Variants in RALA observed in about 807,000 individuals in gnomAD.
RALA encodes RAS like proto-oncogene A.
A neutral mutation model predicts 24.0 loss-of-function variants in RALA; 5 were observed. That is an observed-to-expected ratio of 0.21 (90% CI 0.11 to 0.44). The LOEUF is 0.44. RALA is among the 20% of genes least tolerant of loss of function. The pLI, the probability that RALA is intolerant of heterozygous loss-of-function variation, is 0.99. For synonymous variants in RALA, 77 were observed against 83.8 expected, an observed-to-expected ratio of 0.92 and a Z score of 0.44; for missense variants, 95 against 241.2, an observed-to-expected ratio of 0.39 and a Z score of 4.01.
Position 39,649,633 on chromosome 7 carries a change from A to G in RALA, c.-38+25808A>G, listed in dbSNP as rs547249372. Among the ~76,000 whole-genome samples the G allele has an allele frequency of 2.4e-3, 368 of 152,322 alleles. 2 individuals carry two copies. Among genetic ancestry groups the G allele is most frequent in the African/African-American group, 8.6e-3 (358 of 41,574 alleles). The stretch of plus-strand genomic sequence containing the variant: ...CTCACCAGACACCGAACCTGCTTCA[A>G]TTTGGACTTCTAGGCCACAGAACTA... On this transcript the variant is annotated intron_variant, in intron 1 of 4. Coordinates refer to ENST00000005257, the MANE Select transcript of RALA (RefSeq NM_005402.4).
At chr7:39,655,073 A>G (rs999521548) in intron 1 of RALA, among the ~76,000 whole-genome samples, 2 of 152,136 alleles carry the variant, frequency 1.3e-5, no homozygotes, top group African/African-American at 4.8e-5. Context: ...TTGCAATTGT[A>G]TTTTTGCATC....
intron 1 of RALA, among the ~76,000 whole-genome samples, chr7:39,655,283 G>A (rs942419442): frequency 6.6e-6 from 1 of 152,086 alleles, no homozygotes; most frequent in Non-Finnish European, 1.5e-5. Flanking sequence ...CAAGCAACAG[G>A]GATAAATGTC....
rs562705559 is a variant in RALA, at chr7:39,633,665, TG to T, written c.-38+9846del. 2.0e-4 allele frequency among the ~76,000 whole-genome samples: 31 copies of T among 152,304 alleles called. No homozygotes were observed. In the East Asian group the frequency reaches 4.8e-3, roughly 24 times the overall value. On this transcript the variant is annotated intron_variant, in intron 1 of 4. Transcript: ENST00000005257. The stretch of plus-strand genomic sequence containing the variant: ...TTTGTAATTAGATGAGTTTATCCAC[TG>T]GGGGGTAATCCTAGAGTACATATCT...
chr7:39,693,414 A>G (rs1168664430), intron 3 of RALA, among the ~76,000 whole-genome samples: 3 of 151,812 alleles, frequency 2.0e-5, no homozygotes, highest in Admixed American at 1.3e-4. Flanking sequence ...ACTGGGGCCT[A>G]TCGTGGGGTG....
intron 2 of RALA, among the ~76,000 whole-genome samples, chr7:39,687,601 G>T (rs931094979): frequency 6.6e-6 from 1 of 152,162 alleles, no homozygotes; most frequent in African/African-American, 2.4e-5. Flanking sequence ...CTGAGTTAAG[G>T]TGTAGCCTAT....
In RALA at chr7:39,706,251, G is replaced by A. The variant is rs1793118460; in HGVS notation, c.*6G>A. 6.2e-7 allele frequency: 1 copy of A among 1,602,616 alleles called. No homozygotes were observed. Among genetic ancestry groups the A allele is most frequent in the South Asian group, 1.1e-5 (1 of 88,290 alleles). On this transcript the variant is annotated 3_prime_UTR_variant, in exon 5 of 5. Coordinates refer to ENST00000005257, the MANE Select transcript of RALA (RefSeq NM_005402.4). ...AAAGATGCTGCATTTTATAATCAAA[G>A]CCCAAACTCCTTTCTTATCTTGACC...
intron 1 of RALA, among the ~76,000 whole-genome samples, chr7:39,683,872 C>CAA (rs1491061548): frequency 6.8e-6 from 1 of 147,090 alleles, no homozygotes; most frequent in African/African-American, 2.5e-5. Flanking sequence ...CACACACACA[C>CAA]AACTCTTAGA....
intron 1 of RALA, among the ~76,000 whole-genome samples, chr7:39,632,299 C>G (rs1196278178): frequency 6.6e-6 from 1 of 152,038 alleles, no homozygotes; most frequent in Non-Finnish European, 1.5e-5. Context: ...TCCTTCTTTT[C>G]CAGTGTTTAT....
chr7:39,671,711 ACCATCTTTAAG>A (rs144439884), intron 1 of RALA, among the ~76,000 whole-genome samples: 1,582 of 152,298 alleles, frequency 0.01, 25 homozygotes, highest in African/African-American at 0.036. Flanking sequence ...AAAACGTTAA[ACCATCTTTAAG>A]CCATCAACTA....
At chr7:39,690,692 T>G in intron 3 of RALA, 102 bp downstream of exon 3, 1 of 888,312 alleles carries the variant, frequency 1.1e-6, no homozygotes, top group Non-Finnish European at 1.7e-6. Flanking sequence ...AGTCTTTTAC[T>G]CTGTCTCTAA....
rs374570591 is a variant in RALA, at chr7:39,628,553, TTTTTTTG to T, written c.-38+4743_-38+4749del. ...TCAAAAGAAACACCTAACAGTTTAA[TTTTTTTG>T]TTTTTTGTTTTTTGAGACGGAGTCT... On this transcript the variant is annotated intron_variant, in intron 1 of 4. Transcript: ENST00000005257. Among the ~76,000 whole-genome samples, 1,274 of 152,282 alleles carry T rather than the reference TTTTTTTG, an allele frequency of 8.4e-3. 13 individuals are homozygous for T. Among genetic ancestry groups the T allele is most frequent in the Middle Eastern group, 0.048 (14 of 294 alleles).
At chr7:39,698,918 A>G (rs1381697170) in intron 4 of RALA, among the ~76,000 whole-genome samples, 1 of 152,144 alleles carries the variant, frequency 6.6e-6, no homozygotes, top group African/African-American at 2.4e-5. Flanking sequence ...TCTCACTTAT[A>G]AAAAGGGAAG....
intron 1 of RALA, among the ~76,000 whole-genome samples, chr7:39,665,540 GACTGTATAACAC>G (rs1316324169): frequency 6.6e-6 from 1 of 151,996 alleles, no homozygotes; most frequent in Non-Finnish European, 1.5e-5. Flanking sequence ...TCCAAGAGTC[GACTGTATAACAC>G]ACTATACAGT....
intron 1 of RALA, among the ~76,000 whole-genome samples, chr7:39,636,954 C>T (rs965171857): frequency 4.6e-5 from 7 of 152,158 alleles, no homozygotes; most frequent in African/African-American, 1.7e-4. Context: ...TCACCTCCTA[C>T]CAGGTCCATC....
intron 1 of RALA, among the ~76,000 whole-genome samples, chr7:39,628,849 C>G (rs1227688530): frequency 6.6e-6 from 1 of 152,194 alleles, no homozygotes. Context: ...GCAACCATGC[C>G]TGGCCAGTTT....
chr7:39,676,645 G>A (rs762773801), intron 1 of RALA, among the ~76,000 whole-genome samples: 5 of 152,042 alleles, frequency 3.3e-5, no homozygotes, highest in Non-Finnish European at 5.9e-5. Flanking sequence ...CTTCTCTATC[G>A]AAAATCTAAA....
chr7:39,688,841 A>G (rs1324115810), intron 2 of RALA, among the ~76,000 whole-genome samples: 1 of 152,168 alleles, frequency 6.6e-6, no homozygotes, highest in Non-Finnish European at 1.5e-5. Flanking sequence ...AAGAGATTTA[A>G]TTGACTCACA....
At chr7:39,645,615 G>A (rs17416652) in intron 1 of RALA, among the ~76,000 whole-genome samples, 15,486 of 152,234 alleles carry the variant, frequency 0.1, 1,045 homozygotes, top group Non-Finnish European at 0.15. Flanking sequence ...ATAGTGACAT[G>A]AGCACAAATC....
At chr7:39,696,931 C>A in intron 4 of RALA, 72 bp downstream of exon 4, 1 of 1,386,948 alleles carries the variant, frequency 7.2e-7, no homozygotes, top group South Asian at 1.4e-5. Flanking sequence ...TCCATTTTGT[C>A]TGGAGAGTCT....
Sources: gnomAD v4.1 joint callset for allele counts (sites outside exome capture counted in the v4.1 genomes callset) on GRCh38, gnomAD v4.1.1 for gene constraint, MANE v1.5 for transcripts, NCBI Gene and HGNC (gene_info 2026-07-23, HGNC 2026-07-21) for gene names.